Variants in SLC35F1 observed in about 807,000 individuals in gnomAD.
The protein encoded by SLC35F1 is chromosome 6 open reading frame 169.
In SLC35F1, 14 loss-of-function variants were observed where a neutral mutation model predicts 48.7. The ratio of observed to expected loss-of-function variants is 0.29; its 90% CI spans 0.19 to 0.45. The LOEUF (loss-of-function observed/expected upper bound fraction) is 0.45. Among genes scored for constraint, SLC35F1 ranks in the 20% least tolerant of loss-of-function variants. SLC35F1 has a pLI of 1.00. For missense variants in SLC35F1, 404 were observed against 500.0 expected (o/e 0.81, Z 1.83); for synonymous variants, 190 against 202.2 (o/e 0.94, Z 0.51).
At chr6:118,160,012 C>A (rs1405035141) in intron 2 of SLC35F1, among the ~76,000 whole-genome samples, 1 of 152,124 alleles carries the variant, frequency 6.6e-6, no homozygotes. Flanking sequence ...TTCACACCAG[C>A]AATTTACTCA....
intron 1 of SLC35F1, among the ~76,000 whole-genome samples, chr6:117,923,578 T>TACATATATAC (rs1775932377): frequency 1.1e-5 from 1 of 93,180 alleles, no homozygotes; most frequent in East Asian, 3.2e-4. Context: ...AATACATATG[T>TACATATATAC]GTGTGTATAT....
intron 1 of SLC35F1, among the ~76,000 whole-genome samples, chr6:118,097,507 T>C (rs1320612003): frequency 1.3e-5 from 2 of 152,196 alleles, no homozygotes; most frequent in Non-Finnish European, 2.9e-5. Context: ...CATTTATCTC[T>C]GTCTCGTTTA....
At position 118,286,805 on chromosome 6, in the gene SLC35F1, T is replaced by TTTGTG. The variant is rs1562351396; in HGVS notation, c.1002+1468_1002+1469insTGTGT. ...TGTGTGTGTGTGTGTGTGTGTGTGT[T>TTTGTG]TGTGTGTGTGTGTGGTGAGAATACT... On this transcript the variant is annotated intron_variant, in intron 7 of 7. Transcript: ENST00000360388. 5.8e-3 allele frequency among the ~76,000 whole-genome samples: 834 copies of TTTGTG among 144,084 alleles called. 12 individuals carry two copies. Among genetic ancestry groups the TTTGTG allele is most frequent in the African/African-American group, 0.021 (796 of 38,104 alleles). The allele number at this position is 144,084 out of a possible 152,430, so 94.5% of individuals were successfully genotyped here.
chr6:118,062,794 G>C (rs4479971), intron 1 of SLC35F1, among the ~76,000 whole-genome samples: 37,603 of 151,904 alleles, frequency 0.25, 4,852 homozygotes, highest in East Asian at 0.35. Flanking sequence ...AGAAGTTGCT[G>C]AAGTTTAACT....
chr6:118,269,097 TTTGAA>T (rs1775818357), intron 4 of SLC35F1, among the ~76,000 whole-genome samples: 1 of 152,308 alleles, frequency 6.6e-6, no homozygotes, highest in Admixed American at 6.5e-5. Flanking sequence ...GTTAAGCTAA[TTTGAA>T]TTGATTTCAC....
At chr6:118,050,746 T>A (rs1352690533) in intron 1 of SLC35F1, among the ~76,000 whole-genome samples, 1 of 152,140 alleles carries the variant, frequency 6.6e-6, no homozygotes, top group South Asian at 2.1e-4. Context: ...GGCCAGGTTT[T>A]GTTGTAAACC....
At chr6:117,954,516 C>T (rs2114830038) in intron 1 of SLC35F1, among the ~76,000 whole-genome samples, 1 of 152,318 alleles carries the variant, frequency 6.6e-6, no homozygotes, top group East Asian at 1.9e-4. Context: ...GTCTCCATCT[C>T]CCAAAGTGCT....
At chr6:118,299,212 C>T (rs1776228370) in intron 7 of SLC35F1, among the ~76,000 whole-genome samples, 1 of 152,116 alleles carries the variant, frequency 6.6e-6, no homozygotes, top group South Asian at 2.1e-4. Flanking sequence ...CTTTTATTGG[C>T]ATAGTCGCAT....
At chr6:118,200,607 C>G (rs906726555) in intron 2 of SLC35F1, among the ~76,000 whole-genome samples, 2 of 152,150 alleles carry the variant, frequency 1.3e-5, no homozygotes, top group Admixed American at 1.3e-4. Flanking sequence ...GAAAACAGCA[C>G]CTTTAGGCTT....
intron 2 of SLC35F1, among the ~76,000 whole-genome samples, chr6:118,207,630 G>A (rs1056883984): frequency 6.6e-6 from 1 of 152,168 alleles, no homozygotes; most frequent in Non-Finnish European, 1.5e-5. Flanking sequence ...GAAGAGGGAG[G>A]AAAGTTGAAG....
intron 2 of SLC35F1, among the ~76,000 whole-genome samples, chr6:118,234,388 G>A (rs1325177845): frequency 6.6e-6 from 1 of 152,124 alleles, no homozygotes; most frequent in East Asian, 1.9e-4. Flanking sequence ...TGTTTGTCCT[G>A]GGACAAAACA....
chr6:118,217,902 A>C (rs4945614), intron 2 of SLC35F1, among the ~76,000 whole-genome samples: 142,083 of 152,204 alleles, frequency 0.93, 66,380 homozygotes, highest in East Asian at 0.98. Context: ...CATTTACCTG[A>C]TAATGCCAGC....
chr6:118,285,615 A>C (rs1473462575), intron 7 of SLC35F1, among the ~76,000 whole-genome samples: 2 of 152,244 alleles, frequency 1.3e-5, no homozygotes, highest in African/African-American at 4.8e-5. Context: ...TCCTGATAGC[A>C]TTCAGCCCAG....
chr6:118,078,029 A>G (rs1208916793), intron 1 of SLC35F1, among the ~76,000 whole-genome samples: 3 of 152,190 alleles, frequency 2.0e-5, no homozygotes, highest in Non-Finnish European at 4.4e-5. Flanking sequence ...TCTTTAATTG[A>G]TGTCCTGCAA....
intron 2 of SLC35F1, among the ~76,000 whole-genome samples, chr6:118,206,033 A>T (rs1774931588): frequency 6.6e-6 from 1 of 152,218 alleles, no homozygotes; most frequent in African/African-American, 2.4e-5. Context: ...TGTGCTGGGG[A>T]TAATGACAGA....
chr6:117,944,586 TACACATACACACACACAC>T (rs1388239470), intron 1 of SLC35F1, among the ~76,000 whole-genome samples: 2 of 146,280 alleles, frequency 1.4e-5, no homozygotes, highest in East Asian at 2.0e-4. Context: ...AACACACACA[TACACATACACACACACAC>T]ACACACACAC....
At chr6:118,020,942 A>G (rs1179296348) in intron 1 of SLC35F1, among the ~76,000 whole-genome samples, 1 of 152,230 alleles carries the variant, frequency 6.6e-6, no homozygotes, top group African/African-American at 2.4e-5. Flanking sequence ...GGGGAGAATT[A>G]TAGGGGTCCT....
chr6:118,165,541 A>G (rs1774304218), intron 2 of SLC35F1, among the ~76,000 whole-genome samples: 1 of 152,208 alleles, frequency 6.6e-6, no homozygotes, highest in Non-Finnish European at 1.5e-5. Flanking sequence ...CTGTAAATGA[A>G]GCTTGACCAC....
In SLC35F1 at chr6:118,285,101, C is replaced by G. The variant is rs1179560026; in HGVS notation, c.848-83C>G. On this transcript the variant is annotated intron_variant, in intron 6 of 7. Transcript: ENST00000360388. ...TTGTGTGAGTGACAAGTGGTGTGCA[C>G]TCTTCCCCTTCTTTCCTGCTGTGGA... is the stretch of plus-strand genomic sequence containing the variant. 18 of 1,485,344 alleles carry G rather than the reference C, an allele frequency of 1.2e-5. No individual in the cohort carries two copies. In the South Asian group the frequency reaches 2.2e-4, roughly 18 times the overall value. 92.0% of individuals were successfully genotyped at this position (1,485,344 alleles called of 1,614,324 possible).
Sources: allele counts gnomAD v4.1 joint callset (sites outside exome capture counted in the v4.1 genomes callset), GRCh38; gene constraint gnomAD v4.1.1; transcripts MANE v1.5; gene names NCBI Gene and HGNC (gene_info 2026-07-23, HGNC 2026-07-21).